The following KAZN variants were observed in gnomAD, a reference collection of about 807,000 sequenced individuals.
KAZN encodes kazrin, periplakin interacting protein.
Under a neutral mutation model 87.4 loss-of-function variants are expected in KAZN, and 40 were observed. The observed-to-expected ratio is 0.46, with a 90% CI of 0.36 to 0.60. The LOEUF (loss-of-function observed/expected upper bound fraction) is 0.60. Ranked by LOEUF, KAZN falls within the 20% of genes least tolerant of loss-of-function variation. The pLI is 0.00. For missense variants in KAZN, 898 were observed against 1,073.9 expected (o/e 0.84, Z 2.29); for synonymous variants, 466 against 458.3 (o/e 1.02, Z -0.22).
At chr1:14,299,831 A>G (rs985637292) in intron 2 of KAZN, among the ~76,000 whole-genome samples, 35 of 152,362 alleles carry the variant, frequency 2.3e-4, no homozygotes, top group African/African-American at 7.7e-4. Flanking sequence ...AGCAAGTCGC[A>G]TGGCCAAGCC....
intron 1 of KAZN, among the ~76,000 whole-genome samples, chr1:14,136,717 C>T (rs1210880422): frequency 6.6e-6 from 1 of 152,170 alleles, no homozygotes; most frequent in Admixed American, 6.5e-5. Context: ...TTGCTGCCTC[C>T]TGGCTTGACT....
chr1:14,278,578 C>T (rs568802622), intron 2 of KAZN, among the ~76,000 whole-genome samples: 2 of 152,274 alleles, frequency 1.3e-5, no homozygotes, highest in South Asian at 4.1e-4. Flanking sequence ...GCATGAGCCA[C>T]CGCGCCTGGT....
At chr1:13,982,544 G>A (rs1442199965) in intron 1 of KAZN, among the ~76,000 whole-genome samples, 5 of 152,186 alleles carry the variant, frequency 3.3e-5, no homozygotes, top group East Asian at 1.9e-4. Context: ...AAAGCGACCC[G>A]AGGTGGTTGC....
At chr1:14,513,191 A>T (rs906162050) in intron 2 of KAZN, among the ~76,000 whole-genome samples, 12 of 152,038 alleles carry the variant, frequency 7.9e-5, no homozygotes, top group Admixed American at 7.9e-4. Flanking sequence ...TAGGAAAAGG[A>T]TATTAGGGCA....
intron 1 of KAZN, among the ~76,000 whole-genome samples, chr1:14,758,840 G>T (rs1052072592): frequency 6.6e-6 from 1 of 151,906 alleles, no homozygotes; most frequent in Non-Finnish European, 1.5e-5. Flanking sequence ...ATGATGAAAA[G>T]ATCTGGCTTT....
At chr1:14,419,894 A>C (rs1036631963) in intron 2 of KAZN, among the ~76,000 whole-genome samples, 1 of 152,130 alleles carries the variant, frequency 6.6e-6, no homozygotes. Context: ...GACCCCAAAG[A>C]GCGAGCAACA....
Position 15,038,689 on chromosome 1 carries a change from AACAG to A in KAZN, c.555+3808_555+3811del, listed in dbSNP as rs373854166. 1.2e-4 allele frequency among the ~76,000 whole-genome samples: 19 copies of A among 152,362 alleles called. No homozygotes were observed. The South Asian group carries it at 3.3e-3, about 27-fold the overall frequency. ...TGTTTAAGGCATGAACATGACAAGT[AACAG>A]ACATTTATTGTGCACCTACTGTATA... is the stretch of plus-strand genomic sequence containing the variant. On this transcript the variant is annotated intron_variant, in intron 3 of 14. Coordinates refer to ENST00000376030, the MANE Select transcript of KAZN (RefSeq NM_201628.3).
chr1:13,913,145 C>T (rs933699477), intron 1 of KAZN, among the ~76,000 whole-genome samples: 1 of 152,066 alleles, frequency 6.6e-6, no homozygotes, highest in Non-Finnish European at 1.5e-5. Flanking sequence ...CTGGTTTCCC[C>T]CAAGACAAGG....
intron 2 of KAZN, among the ~76,000 whole-genome samples, chr1:14,537,419 T>G (rs1672567434): frequency 6.6e-6 from 1 of 152,222 alleles, no homozygotes. Flanking sequence ...TCATTTTAAT[T>G]TTTACAACTT....
At chr1:14,156,141 A>G (rs1022378678) in intron 1 of KAZN, among the ~76,000 whole-genome samples, 1 of 152,186 alleles carries the variant, frequency 6.6e-6, no homozygotes. Context: ...GTATTCGTAT[A>G]GTTTCCAAAA....
intron 1 of KAZN, among the ~76,000 whole-genome samples, chr1:14,635,083 G>A (rs1338987025): frequency 1.3e-5 from 2 of 152,196 alleles, no homozygotes; most frequent in Admixed American, 6.5e-5. Context: ...AGGGCATCAG[G>A]GGGTTAGGTT....
At chr1:14,659,577 C>T (rs1332150218) in intron 1 of KAZN, among the ~76,000 whole-genome samples, 1 of 152,186 alleles carries the variant, frequency 6.6e-6, no homozygotes, top group African/African-American at 2.4e-5. Flanking sequence ...GCACCATAAA[C>T]TTCTAGAAAG....
rs567297483 is a variant in KAZN, at chr1:14,738,751, G to A, written c.226+139528G>A. Among the ~76,000 whole-genome samples, 35 of 151,914 alleles carry A rather than the reference G, an allele frequency of 2.3e-4. 1 individual carries two copies. In the South Asian group the frequency reaches 7.1e-3, roughly 31 times the overall value. Reference sequence around the variant, plus strand: ...GAGGTTTATGTACTGGATTTTTTTCGTTAAAAAAATCCCCGTGAAGTGAGG... The same window carrying A: ...GAGGTTTATGTACTGGATTTTTTTCATTAAAAAAATCCCCGTGAAGTGAGG... On this transcript the variant is annotated intron_variant, in intron 1 of 14. Transcript: ENST00000376030.
chr1:15,098,008 G>A (rs1640874797), intron 10 of KAZN, among the ~76,000 whole-genome samples: 1 of 152,150 alleles, frequency 6.6e-6, no homozygotes, highest in African/African-American at 2.4e-5. Context: ...CTGTGTTAGG[G>A]GTTTTGCATT....
intron 2 of KAZN, among the ~76,000 whole-genome samples, chr1:15,012,020 T>A (rs1400085633): frequency 2.0e-5 from 3 of 152,178 alleles, no homozygotes; most frequent in African/African-American, 7.2e-5. Flanking sequence ...CATCTGTTCT[T>A]AGCTGCTGCT....
chr1:14,686,981 G>C (rs1400460716), intron 1 of KAZN, among the ~76,000 whole-genome samples: 1 of 152,126 alleles, frequency 6.6e-6, no homozygotes, highest in African/African-American at 2.4e-5. Context: ...AGGCGGCTGG[G>C]AAACAAACCT....
At chr1:14,040,986 G>A (rs1570593369) in intron 1 of KAZN, among the ~76,000 whole-genome samples, 6 of 152,066 alleles carry the variant, frequency 3.9e-5, no homozygotes, top group Admixed American at 3.9e-4. Flanking sequence ...TAATGCACAT[G>A]TATAGTTTCA....
At chr1:14,771,394 T>C (rs891137238) in intron 1 of KAZN, among the ~76,000 whole-genome samples, 1 of 152,150 alleles carries the variant, frequency 6.6e-6, no homozygotes, top group Admixed American at 6.5e-5. Context: ...AAATATTTAA[T>C]GTGGTGGAGG....
chr1:14,053,881 A>T (rs1642441199), intron 1 of KAZN, among the ~76,000 whole-genome samples: 1 of 152,168 alleles, frequency 6.6e-6, no homozygotes, highest in African/African-American at 2.4e-5. Context: ...TTTCACATAT[A>T]TATGTATATA....
Sources: gnomAD v4.1 joint callset for allele counts (sites outside exome capture counted in the v4.1 genomes callset) on GRCh38, gnomAD v4.1.1 for gene constraint, MANE v1.5 for transcripts, NCBI Gene and HGNC (gene_info 2026-07-23, HGNC 2026-07-21) for gene names.